Variants in CNTNAP3B observed in about 807,000 individuals in gnomAD.
CNTNAP3B encodes contactin-associated protein-like 3B.
Under a neutral mutation model 108.9 loss-of-function variants are expected in CNTNAP3B, and 25 were observed. The observed-to-expected ratio is 0.23, with a 90% CI of 0.17 to 0.32. The LOEUF (loss-of-function observed/expected upper bound fraction) is 0.32. Ranked by LOEUF, CNTNAP3B falls within the 10% of genes least tolerant of loss-of-function variation. CNTNAP3B has a pLI of 1.00. For missense variants in CNTNAP3B, 252 were observed against 1,210.4 expected (o/e 0.21, Z 11.75); for synonymous variants, 103 against 473.4 (o/e 0.22, Z 10.16).
intron 11 of CNTNAP3B, among the ~76,000 whole-genome samples, chr9:41,962,168 GTT>G (rs1262331642): frequency 1.3e-5 from 2 of 152,100 alleles, no homozygotes; most frequent in Admixed American, 6.5e-5. Flanking sequence ...TATACAATGA[GTT>G]ATATACAATT....
intron 13 of CNTNAP3B, among the ~76,000 whole-genome samples, chr9:41,951,831 CTT>C (rs1824694846): frequency 6.6e-6 from 1 of 152,216 alleles, no homozygotes; most frequent in Non-Finnish European, 1.5e-5. Flanking sequence ...AATCCCAACA[CTT>C]TGGGAGGCTG....
At chr9:42,113,334 T>C (rs1427499938) in intron 1 of CNTNAP3B, among the ~76,000 whole-genome samples, 1 of 138,246 alleles carries the variant, frequency 7.2e-6, no homozygotes, top group Non-Finnish European at 1.5e-5. Context: ...TTTCCTTTTA[T>C]TTCTAAATTT....
chr9:41,963,209 T>C (rs1420347169), intron 11 of CNTNAP3B, among the ~76,000 whole-genome samples: 3 of 152,210 alleles, frequency 2.0e-5, no homozygotes, highest in Non-Finnish European at 2.9e-5. Context: ...AAATGTCTCA[T>C]GGAAGAGTTC....
Position 41,983,986 on chromosome 9 carries a change from G to A in CNTNAP3B, c.1477+2182C>T, listed in dbSNP as rs1490252907. ...AATGGCGTGAACCTGGCGGTGCAGAGCTTGCAGTGAGCCGAGATCGCGCCA... is the reference window on the plus strand; with the variant it reads ...AATGGCGTGAACCTGGCGGTGCAGAACTTGCAGTGAGCCGAGATCGCGCCA... On this transcript the variant is annotated intron_variant, in intron 9 of 23. Coordinates refer to ENST00000377561, the MANE Select transcript of CNTNAP3B (RefSeq NM_001201380.3). Among the ~76,000 whole-genome samples the A allele has an allele frequency of 2.4e-4, 24 of 98,872 alleles. 9 individuals are homozygous for A. In the Admixed American group the frequency reaches 2.4e-3, roughly 10 times the overall value. 64.9% of individuals were successfully genotyped at this position (98,872 alleles called of 152,430 possible).
intron 1 of CNTNAP3B, among the ~76,000 whole-genome samples, chr9:42,116,063 C>T (rs1828309081): frequency 7.2e-6 from 1 of 139,738 alleles, no homozygotes. Context: ...ACTAGAACTA[C>T]ATGACGCATG....
chr9:41,963,832 T>C (rs1825180557), intron 11 of CNTNAP3B, among the ~76,000 whole-genome samples: 1 of 152,308 alleles, frequency 6.6e-6, no homozygotes, highest in Non-Finnish European at 1.5e-5. Flanking sequence ...TGTCCTCAAC[T>C]CTGCAATGAA....
Position 41,953,197 on chromosome 9 carries a change from C to T in CNTNAP3B, c.2066G>A (p.Arg689His), listed in dbSNP as rs549943187. 3.5e-5 allele frequency: 53 copies of T among 1,523,582 alleles called. No homozygotes were observed. The African/African-American group carries it at 6.8e-4, about 20-fold the overall frequency. 94.4% of individuals were successfully genotyped at this position (1,523,582 alleles called of 1,614,324 possible). A position where few individuals can be genotyped will look rare whatever the true frequency, so the allele number is the denominator to read the frequency against. Residue 689 changes from arginine (R) to histidine (H), a missense_variant, in exon 13 of 24, where the codon CGC (arginine) becomes CAC (histidine). By Grantham distance (29) the Arg-to-His change is conservative. Transcript: ENST00000377561. Reference sequence around the variant, plus strand: ...GTGGCGCTTACCTCGTGAGTCCGGGCGCCGCGCTGTCCCGCAGCGCAGAGC... The same window carrying T: ...GTGGCGCTTACCTCGTGAGTCCGGGTGCCGCGCTGTCCCGCAGCGCAGAGC... ...RLALRCGTARRPDSRDGTPLS... is the reference protein window; with the variant it reads ...RLALRCGTARHPDSRDGTPLS...
chr9:41,926,610 C>G (rs972973494), intron 15 of CNTNAP3B: 4 of 152,424 alleles, frequency 2.6e-5, no homozygotes, highest in African/African-American at 7.2e-5. Context: ...TACAGGCCAC[C>G]ATGCCCAGCT....
chr9:42,076,334 A>T (rs1460460715), intron 3 of CNTNAP3B, among the ~76,000 whole-genome samples: 1 of 129,932 alleles, frequency 7.7e-6, no homozygotes, highest in Non-Finnish European at 1.6e-5. Context: ...GCTGATGCAG[A>T]AGAATTGTTT....
At chr9:41,926,278 A>G (rs1226944295) in intron 15 of CNTNAP3B, among the ~76,000 whole-genome samples, 8 of 152,100 alleles carry the variant, frequency 5.3e-5, no homozygotes, top group African/African-American at 1.9e-4. Flanking sequence ...CCCAGTGGTC[A>G]TTCCTTGACC....
rs538460736 is a variant in CNTNAP3B at position 41,924,458 on chromosome 9, G to A, written c.2366-365C>T. On this transcript the variant is annotated intron_variant, in intron 15 of 23. Coordinates refer to ENST00000377561, the MANE Select transcript of CNTNAP3B (RefSeq NM_001201380.3). ...AGATGTGAGAAGAAGGGTGGAGTCTGAGGTGACTTTGGGGTTTTTGGTCTA... is the reference window on the plus strand; with the variant it reads ...AGATGTGAGAAGAAGGGTGGAGTCTAAGGTGACTTTGGGGTTTTTGGTCTA... 2.0e-4 allele frequency among the ~76,000 whole-genome samples: 30 copies of A among 152,392 alleles called. No homozygotes were observed. The South Asian group carries it at 2.7e-3, about 14-fold the overall frequency.
In CNTNAP3B at chr9:42,063,032, TAATA is replaced by T. The variant is rs1332311967; in HGVS notation, c.390+13833_390+13836del. Among the ~76,000 whole-genome samples, 16 of 101,044 alleles carry T rather than the reference TAATA, an allele frequency of 1.6e-4. 3 individuals are homozygous for T. The South Asian group carries it at 2.0e-3, about 13-fold the overall frequency. 66.3% of individuals were successfully genotyped at this position (101,044 alleles called of 152,430 possible). Reference sequence around the variant, plus strand: ...TTTTAATAGTTTGTTTTAACCACTGTAATAAATGTTACTTAAAAACTACCACCAC... The same window carrying T: ...TTTTAATAGTTTGTTTTAACCACTGTAATGTTACTTAAAAACTACCACCAC... On this transcript the variant is annotated intron_variant, in intron 3 of 23. Transcript: ENST00000377561.
chr9:42,077,168 TC>T (rs1311184717), intron 2 of CNTNAP3B, 106 bp from the exon 3 acceptor site: 1 of 649,258 alleles, frequency 1.5e-6, no homozygotes, highest in Admixed American at 3.9e-5. Context: ...ATTAAGAAAA[TC>T]ATCGATTTAC....
chr9:42,070,727 C>G (rs1164485136), intron 3 of CNTNAP3B, among the ~76,000 whole-genome samples: 2 of 152,160 alleles, frequency 1.3e-5, no homozygotes, highest in Non-Finnish European at 2.9e-5. Context: ...CAGTGCTGAT[C>G]GGCAGATCTC....
chr9:42,041,907 T>TA (rs1826767673), intron 3 of CNTNAP3B, among the ~76,000 whole-genome samples: 1 of 144,136 alleles, frequency 6.9e-6, no homozygotes, highest in South Asian at 2.2e-4. Context: ...AATGCAGCCA[T>TA]AAAAAATGAT....
At chr9:42,066,423 C>CT (rs1158361481) in intron 3 of CNTNAP3B, among the ~76,000 whole-genome samples, 9,738 of 52,864 alleles carry the variant, frequency 0.18, 1,115 homozygotes, top group Non-Finnish European at 0.25. Context: ...GCTGTTGAAT[C>CT]TTTTTTTTTT....
intron 1 of CNTNAP3B, among the ~76,000 whole-genome samples, chr9:42,121,361 G>T (rs1318452599): frequency 7.2e-6 from 1 of 139,174 alleles, no homozygotes; most frequent in Non-Finnish European, 1.5e-5. Context: ...GCCCATCACA[G>T]GCTCAGCTTT....
At chr9:41,915,757 C>G (rs1163532020) in intron 18 of CNTNAP3B, among the ~76,000 whole-genome samples, 1 of 143,306 alleles carries the variant, frequency 7.0e-6, no homozygotes, top group East Asian at 2.0e-4. Context: ...TTTTTTTCCC[C>G]TCTCATTCTA....
In CNTNAP3B at chr9:42,110,057, C is replaced by G. The variant is rs557898468; in HGVS notation, c.86-5318G>C. Among the ~76,000 whole-genome samples, 80 of 137,148 alleles carry G rather than the reference C, an allele frequency of 5.8e-4. 12 individuals carry two copies. Among genetic ancestry groups the G allele is most frequent in the African/African-American group, 2.3e-3 (80 of 34,308 alleles). The allele number at this position is 137,148 out of a possible 152,430, so 90.0% of individuals were successfully genotyped here. A position where few individuals can be genotyped will look rare whatever the true frequency, so the allele number is the denominator to read the frequency against. ...TGATTTTGGACTAGGGATACTGATGCGGAACTTCTGGTCTCCAGACTATGA... is the reference window on the plus strand; with the variant it reads ...TGATTTTGGACTAGGGATACTGATGGGGAACTTCTGGTCTCCAGACTATGA... On this transcript the variant is annotated intron_variant, in intron 1 of 23. Coordinates refer to ENST00000377561, the MANE Select transcript of CNTNAP3B (RefSeq NM_001201380.3).
Sources: allele counts gnomAD v4.1 joint callset (sites outside exome capture counted in the v4.1 genomes callset), GRCh38; gene constraint gnomAD v4.1.1; transcripts MANE v1.5; gene names NCBI Gene and HGNC (gene_info 2026-07-23, HGNC 2026-07-21).